Variants in LCMT1 observed in about 807,000 individuals in gnomAD.
LCMT1 encodes [Phosphatase 2A protein]-leucine-carboxy methyltransferase 1.
A neutral mutation model predicts 47.7 loss-of-function variants in LCMT1; 32 were observed. The ratio of observed to expected loss-of-function variants is 0.67; its 90% confidence interval spans 0.51 to 0.90. The LOEUF (loss-of-function observed/expected upper bound fraction) is 0.90, where lower values mean the gene tolerates loss of function less well. Ranked by LOEUF, LCMT1 falls within the 40% of genes least tolerant of loss-of-function variation. The probability of loss-of-function intolerance (pLI) is 0.00; values close to 1 mark genes in which losing one functional copy is unlikely to be tolerated. For synonymous variants in LCMT1, 152 were observed against 149.7 expected, an observed-to-expected ratio of 1.02 and a Z score of -0.11; for missense variants, 375 against 415.2, an observed-to-expected ratio of 0.90 and a Z score of 0.84.
intron 1 of LCMT1, among the ~76,000 whole-genome samples, chr16:25,117,362 T>TTGTTGTG (rs1468060498): frequency 6.6e-6 from 1 of 152,214 alleles, no homozygotes; most frequent in Non-Finnish European, 1.5e-5. Flanking sequence ...CATCTGCACT[T>TTGTTGTG]TGTTGTGTGA....
intron 5 of LCMT1, among the ~76,000 whole-genome samples, chr16:25,157,999 A>G (rs913010558): frequency 1.3e-5 from 2 of 152,384 alleles, no homozygotes; most frequent in Admixed American, 1.3e-4. Context: ...AAGTACACAT[A>G]AAATGAAATA....
intron 1 of LCMT1, among the ~76,000 whole-genome samples, chr16:25,122,986 A>G (rs1960039102): frequency 1.3e-5 from 2 of 152,034 alleles, no homozygotes; most frequent in Non-Finnish European, 2.9e-5. Context: ...AGAATCTGAC[A>G]ATCTTTACCT....
rs539133400 is a variant in LCMT1, at chr16:25,161,419, A to T, written c.569+215A>T. On this transcript the variant is annotated intron_variant, in intron 6 of 10. Coordinates refer to ENST00000399069, the MANE Select transcript of LCMT1 (RefSeq NM_016309.3). ...TTGCCCAGGCTGAGTGCAATGGCAC[A>T]ATCTCAGCTCACTGCAACCTCCACT... is the stretch of plus-strand genomic sequence containing the variant. Among the ~76,000 whole-genome samples the T allele has an allele frequency of 3.3e-3, 499 of 151,684 alleles. 2 individuals carry two copies. The highest frequency in any genetic ancestry group is 0.012 in the African/African-American group (480 of 41,296).
At chr16:25,117,847 G>A (rs966395485) in intron 1 of LCMT1, among the ~76,000 whole-genome samples, 7 of 146,400 alleles carry the variant, frequency 4.8e-5, no homozygotes, top group South Asian at 4.3e-4. Flanking sequence ...GAGAGACTCC[G>A]TCTCAAAAAA....
intron 1 of LCMT1, among the ~76,000 whole-genome samples, chr16:25,119,535 T>C (rs1209879797): frequency 1.3e-5 from 2 of 152,164 alleles, no homozygotes; most frequent in Non-Finnish European, 2.9e-5. Flanking sequence ...TTACTGACTT[T>C]TAGTGGTCTA....
intron 1 of LCMT1, among the ~76,000 whole-genome samples, chr16:25,126,516 G>A (rs972264032): frequency 1.4e-5 from 2 of 145,410 alleles, no homozygotes; most frequent in Admixed American, 6.9e-5. Context: ...TCCTCTCTAC[G>A]AGTCACTGCC....
intron 7 of LCMT1, among the ~76,000 whole-genome samples, chr16:25,168,444 A>G (rs1255688958): frequency 6.6e-6 from 1 of 152,182 alleles, no homozygotes; most frequent in Non-Finnish European, 1.5e-5. Context: ...TGGGTTTTTT[A>G]GATTAGTTTT....
intron 3 of LCMT1, among the ~76,000 whole-genome samples, chr16:25,139,044 A>G (rs532168553): frequency 6.6e-6 from 1 of 152,028 alleles, no homozygotes; most frequent in African/African-American, 2.4e-5. Context: ...GGTTCAAGCA[A>G]TTCTCCTGCC....
At chr16:25,116,426 T>C (rs541411030) in intron 1 of LCMT1, among the ~76,000 whole-genome samples, 34 of 152,336 alleles carry the variant, frequency 2.2e-4, no homozygotes, top group African/African-American at 8.2e-4. Context: ...TTTCATCTCC[T>C]GTCATCAGTG....
At chr16:25,134,896 C>G (rs746685158) in intron 3 of LCMT1, among the ~76,000 whole-genome samples, 3 of 152,180 alleles carry the variant, frequency 2.0e-5, no homozygotes, top group South Asian at 4.1e-4. Context: ...CCACTATGCT[C>G]GGCTGACCTG....
chr16:25,126,024 A>C, intron 1 of LCMT1: 2 of 1,350,834 alleles, frequency 1.5e-6, no homozygotes, highest in Non-Finnish European at 2.0e-6. Context: ...TGGGTGGCAA[A>C]TCTTTTCATC....
chr16:25,166,487 C>T (rs1351704418), intron 7 of LCMT1, among the ~76,000 whole-genome samples: 3 of 151,948 alleles, frequency 2.0e-5, no homozygotes, highest in Non-Finnish European at 1.5e-5. Context: ...ACTGCAGCCT[C>T]GACCGCGGGC....
rs138718317 is a variant in LCMT1 at position 25,163,399 on chromosome 16, G to A, written c.570-1199G>A. Among the ~76,000 whole-genome samples the A allele has an allele frequency of 5.4e-3, 825 of 151,462 alleles. 6 individuals carry two copies. Among genetic ancestry groups the A allele is most frequent in the Non-Finnish European group, 9.2e-3 (625 of 67,926 alleles). ...CAGGGGAACTGCTTGAACCCAGGAG[G>A]CGGAAGTTGCAGTGAGCTGAGATCG... On this transcript the variant is annotated intron_variant, in intron 6 of 10. Coordinates refer to ENST00000399069, the MANE Select transcript of LCMT1 (RefSeq NM_016309.3).
chr16:25,128,330 G>C, intron 1 of LCMT1, 145 bp from the exon 2 acceptor site: 1 of 601,210 alleles, frequency 1.7e-6, no homozygotes, highest in South Asian at 2.0e-5. Context: ...TTGTGTAACA[G>C]GGCACTAAAT....
In LCMT1 at chr16:25,164,669, A is replaced by G. The variant is rs568692032; in HGVS notation, c.641A>G (p.Lys214Arg). The change falls in exon 7 of 11, where the codon AAG (lysine) becomes AGG (arginine). Residue 214 changes from lysine (K) to arginine (R), a missense_variant. Coordinates refer to ENST00000399069, the MANE Select transcript of LCMT1 (RefSeq NM_016309.3). ...CCAGAGCAGTCCGCAAACCTCCTGA[A>G]GTGGGCAGCCAACAGTTTTGAGAGA... is the stretch of plus-strand genomic sequence containing the variant. ...MTPEQSANLL[K>R]WAANSFERAM... The G allele has an allele frequency of 7.4e-6, 12 of 1,614,018 alleles. 1 individual carries two copies. Among genetic ancestry groups the G allele is most frequent in the African/African-American group, 6.7e-5 (5 of 75,050 alleles).
rs1214173310 is a variant in LCMT1, at chr16:25,111,789, G to T, written c.-95G>T. Reference sequence around the variant, plus strand: ...GCCAGGTAGGGCCCTACCCTCTTCTGTTGCTTTCTCCCTGTGGCTCGCGCC... The same window carrying T: ...GCCAGGTAGGGCCCTACCCTCTTCTTTTGCTTTCTCCCTGTGGCTCGCGCC... On this transcript the variant is annotated 5_prime_UTR_variant, in exon 1 of 11. Coordinates refer to ENST00000399069, the MANE Select transcript of LCMT1 (RefSeq NM_016309.3). 3.6e-6 allele frequency: 3 copies of T among 844,238 alleles called. No homozygotes were observed. In the Admixed American group the frequency reaches 6.1e-5, roughly 17 times the overall value. The allele number at this position is 844,238 out of a possible 1,614,324, so 52.3% of individuals were successfully genotyped here. A position where few individuals can be genotyped will look rare whatever the true frequency, so the allele number is the denominator to read the frequency against.
At chr16:25,136,568 C>G (rs1362885885) in intron 3 of LCMT1, among the ~76,000 whole-genome samples, 1 of 151,924 alleles carries the variant, frequency 6.6e-6, no homozygotes, top group Non-Finnish European at 1.5e-5. Context: ...ACCCATCAAC[C>G]CGTCAGAGTC....
At chr16:25,153,388 C>T (rs779279709) in intron 5 of LCMT1, among the ~76,000 whole-genome samples, 8 of 152,216 alleles carry the variant, frequency 5.3e-5, no homozygotes, top group Non-Finnish European at 1.0e-4. Context: ...GGCCTTCTTG[C>T]CGTGTCATCC....
intron 3 of LCMT1, among the ~76,000 whole-genome samples, chr16:25,132,725 T>A (rs1960389334): frequency 6.6e-6 from 1 of 152,092 alleles, no homozygotes; most frequent in East Asian, 1.9e-4. Context: ...TTTTAGGTTG[T>A]CTCTAATTGT....
Sources: allele counts gnomAD v4.1 joint callset (sites outside exome capture counted in the v4.1 genomes callset), GRCh38; gene constraint gnomAD v4.1.1; transcripts MANE v1.5; gene names NCBI Gene and HGNC (gene_info 2026-07-23, HGNC 2026-07-21).